Variants in CPNE5 observed in about 807,000 individuals in gnomAD.
CPNE5 encodes copine 5.
A neutral mutation model predicts 81.1 loss-of-function variants in CPNE5; 42 were observed. That is an observed-to-expected ratio of 0.52 (90% confidence interval 0.40 to 0.67). The LOEUF is 0.67. Among genes scored for constraint, CPNE5 ranks in the 30% least tolerant of loss-of-function variants. The pLI is 0.00. For synonymous variants in CPNE5, 313 were observed against 321.5 expected (o/e 0.97, Z 0.28); for missense variants, 612 against 815.5 (o/e 0.75, Z 3.04).
chr6:36,756,098 A>ACCCCCCCCCCC, intron 13 of CPNE5, 147 bp downstream of exon 13: 7 of 235,636 alleles, frequency 3.0e-5, no homozygotes, highest in Non-Finnish European at 4.0e-5. Context: ...CATCTGCCCC[A>ACCCCCCCCCCC]CCCCTCCCCA....
At position 36,794,734 on chromosome 6, in the gene CPNE5, T is replaced by C; in HGVS notation, c.405-85A>G. On this transcript the variant is annotated intron_variant, in intron 6 of 20. Coordinates refer to ENST00000244751, the MANE Select transcript of CPNE5 (RefSeq NM_020939.2). ...GCCAGCGCACTTGGCATCCAGATGC[T>C]TGGAGACAAGCGGCTGCTCTGGAAG... 3.2e-6 allele frequency: 4 copies of C among 1,237,438 alleles called. No homozygotes were observed. In the South Asian group the frequency reaches 5.1e-5, roughly 16 times the overall value. 76.7% of individuals were successfully genotyped at this position (1,237,438 alleles called of 1,614,324 possible).
intron 8 of CPNE5, among the ~76,000 whole-genome samples, chr6:36,786,009 T>C: frequency 1.1e-5 from 1 of 94,458 alleles, no homozygotes; most frequent in African/African-American, 4.4e-5. Context: ...CAAGACTCCG[T>C]CTCAAAAAAA....
intron 1 of CPNE5, among the ~76,000 whole-genome samples, chr6:36,826,847 C>A (rs1772544250): frequency 6.6e-6 from 1 of 152,232 alleles, no homozygotes; most frequent in Non-Finnish European, 1.5e-5. Context: ...GTCAGACAAG[C>A]TGGGTTTGCT....
rs9462227 is a variant in CPNE5 at position 36,810,447 on chromosome 6, T to C, written c.184-10377A>G. On this transcript the variant is annotated intron_variant, in intron 3 of 20. Coordinates refer to ENST00000244751, the MANE Select transcript of CPNE5 (RefSeq NM_020939.2). ...CCCTCATGAATCATGTTCACTAGGA[T>C]TAAAATTAGAGGCCAGAAAGCTACC... Among the ~76,000 whole-genome samples the C allele has an allele frequency of 5.9e-3, 901 of 152,308 alleles. 8 individuals are homozygous for C. Among genetic ancestry groups the C allele is most frequent in the African/African-American group, 0.02 (835 of 41,564 alleles).
intron 8 of CPNE5, among the ~76,000 whole-genome samples, chr6:36,789,810 T>G (rs1768926020): frequency 6.6e-6 from 1 of 152,220 alleles, no homozygotes; most frequent in Non-Finnish European, 1.5e-5. Context: ...GAATGCCTAC[T>G]GCACCCCGAG....
chr6:36,755,174 T>C (rs236446), intron 13 of CPNE5: 108,875 of 152,110 alleles, frequency 0.72, 39,215 homozygotes, highest in Middle Eastern at 0.82. Context: ...AAATGAGGCT[T>C]CTCAGAGGAA....
Position 36,746,334 on chromosome 6 carries a change from C to T in CPNE5, c.1200+62G>A. ...AGAGGAAGGGAAACGTCCCCCCACC[C>T]CCAGCTTGTCACCTCACCCCCAGCC... On this transcript the variant is annotated intron_variant, in intron 16 of 20. Coordinates refer to ENST00000244751, the MANE Select transcript of CPNE5 (RefSeq NM_020939.2). The surrounding 1 kb of genome is among the most constrained non-coding windows in gnomAD (Gnocchi z 4.5). 2 of 1,392,904 alleles carry T rather than the reference C, an allele frequency of 1.4e-6. No individual in the cohort carries two copies. Among genetic ancestry groups the T allele is most frequent in the Non-Finnish European group, 1.9e-6 (2 of 1,038,442 alleles). 86.3% of individuals were successfully genotyped at this position (1,392,904 alleles called of 1,614,324 possible). A position where few individuals can be genotyped will look rare whatever the true frequency, so the allele number is the denominator to read the frequency against.
chr6:36,839,598 G>A (rs1482126690), upstream of CPNE5: 9 of 456,298 alleles, frequency 2.0e-5, no homozygotes, highest in African/African-American at 1.4e-4. This position sits in a 1 kb window ranked among gnomAD's most constrained non-coding sequence, Gnocchi z 7.3. Context: ...GACGCCGCGA[G>A]GAGGCTAGGG....
intron 6 of CPNE5, among the ~76,000 whole-genome samples, chr6:36,796,545 T>G (rs1173082673): frequency 6.6e-6 from 1 of 152,200 alleles, no homozygotes; most frequent in Admixed American, 6.5e-5. Flanking sequence ...TATGCTACAC[T>G]CAGCACATGG....
chr6:36,753,252 A>T (rs1765043707), intron 13 of CPNE5, among the ~76,000 whole-genome samples, 157 bp from the exon 14 acceptor site: 1 of 152,332 alleles, frequency 6.6e-6, no homozygotes, highest in South Asian at 2.1e-4. Context: ...TACTATTATT[A>T]TCCCCACTTT....
intron 3 of CPNE5, among the ~76,000 whole-genome samples, chr6:36,810,275 G>T (rs1397694530): frequency 6.6e-6 from 1 of 152,182 alleles, no homozygotes; most frequent in Non-Finnish European, 1.5e-5. Context: ...GTGCCGGTGG[G>T]ATAGGAGGCT....
chr6:36,782,816 AACACACACACACAC>A lies in CPNE5; in HGVS notation c.529-3873_529-3860del, dbSNP rs3997726. On this transcript the variant is annotated intron_variant, in intron 8 of 20. Coordinates refer to ENST00000244751, the MANE Select transcript of CPNE5 (RefSeq NM_020939.2). ...TCTCAAATAATAAAACAAAAACCAA[AACACACACACACAC>A]ACACACACACACACACACACACACA... 4.0e-3 allele frequency among the ~76,000 whole-genome samples: 511 copies of A among 126,308 alleles called. 3 individuals carry two copies. The highest frequency in any genetic ancestry group is 9.4e-3 in the African/African-American group (298 of 31,538). 82.9% of individuals were successfully genotyped at this position (126,308 alleles called of 152,430 possible).
At chr6:36,782,868 C>CACACAAAA (rs1250161980) in intron 8 of CPNE5, among the ~76,000 whole-genome samples, 1 of 142,092 alleles carries the variant, frequency 7.0e-6, no homozygotes, top group African/African-American at 2.6e-5. Context: ...CACACACACA[C>CACACAAAA]AAAACGGCAC....
At chr6:36,823,670 C>T (rs528184612) in intron 1 of CPNE5, among the ~76,000 whole-genome samples, 4 of 152,252 alleles carry the variant, frequency 2.6e-5, no homozygotes, top group Admixed American at 6.5e-5. Flanking sequence ...TCAGACTGGA[C>T]GGCACAGCAG....
chr6:36,822,367 G>GC (rs1329221816), intron 2 of CPNE5, among the ~76,000 whole-genome samples: 1 of 152,046 alleles, frequency 6.6e-6, no homozygotes, highest in Admixed American at 6.5e-5. Flanking sequence ...CAGGAATCTG[G>GC]CCCCCCAAGC....
rs1769623456 is a variant in CPNE5 at position 36,796,830 on chromosome 6, G to A, written c.404+1335C>T. ...TGGGGGCCAAGGAAACATTTCCGGG[G>A]GCCCTGAAGTTATCATGAGTTACTG... On this transcript the variant is annotated intron_variant, in intron 6 of 20. Coordinates refer to ENST00000244751, the MANE Select transcript of CPNE5 (RefSeq NM_020939.2). Among the ~76,000 whole-genome samples the A allele has an allele frequency of 3.3e-5, 5 of 152,172 alleles. No individual in the cohort carries two copies. The South Asian group carries it at 1.0e-3, about 32-fold the overall frequency.
At chr6:36,778,815 C>A (rs41272186) in intron 9 of CPNE5, 39 bp downstream of exon 9, 3 of 1,386,590 alleles carry the variant, frequency 2.2e-6, no homozygotes, top group African/African-American at 1.4e-5. Flanking sequence ...CCAGAAGGGA[C>A]GAGAAGGTGC....
intron 12 of CPNE5, among the ~76,000 whole-genome samples, chr6:36,757,797 A>T (rs1352140061): frequency 6.6e-6 from 1 of 152,208 alleles, no homozygotes; most frequent in African/African-American, 2.4e-5. Context: ...ACTTAGAGGC[A>T]CAGGAAGGCT....
chr6:36,785,536 G>T (rs1768451662), intron 8 of CPNE5, among the ~76,000 whole-genome samples: 2 of 152,104 alleles, frequency 1.3e-5, no homozygotes, highest in South Asian at 2.1e-4. Flanking sequence ...CAAAGCTCAA[G>T]TTCTTAATCA....
Sources: gnomAD v4.1 joint callset for allele counts (sites outside exome capture counted in the v4.1 genomes callset) on GRCh38, gnomAD v4.1.1 for gene constraint, Gnocchi (gnomAD v3.1) non-coding constraint, MANE v1.5 for transcripts, NCBI Gene and HGNC (gene_info 2026-07-23, HGNC 2026-07-21) for gene names.